NCKAP5: variants seen among roughly 807,000 people sequenced by gnomAD.
NCKAP5 encodes nck-associated protein 5.
In NCKAP5, 92 loss-of-function variants were observed where a neutral mutation model predicts 167.0. The ratio of observed to expected loss-of-function variants is 0.55; its 90% CI spans 0.47 to 0.66. The LOEUF is 0.66. Among genes scored for constraint, NCKAP5 ranks in the 30% least tolerant of loss-of-function variants. The pLI, the probability that NCKAP5 is intolerant of heterozygous loss-of-function variation, is 0.00. For synonymous variants in NCKAP5, 891 were observed against 877.4 expected (o/e 1.02, Z -0.27); for missense variants, 2,378 against 2,315.0 (o/e 1.03, Z -0.56).
At chr2:133,255,201 C>G (rs2088555386) in intron 4 of NCKAP5, among the ~76,000 whole-genome samples, 1 of 152,160 alleles carries the variant, frequency 6.6e-6, no homozygotes, top group Admixed American at 6.5e-5. Context: ...CTTGAGAGTT[C>G]TCCACTTCAT....
At chr2:132,975,566 T>C (rs961553294) in intron 7 of NCKAP5, among the ~76,000 whole-genome samples, 1 of 152,170 alleles carries the variant, frequency 6.6e-6, no homozygotes, top group African/African-American at 2.4e-5. Context: ...TACTGTGGAA[T>C]AGAATGGTGT....
intron 8 of NCKAP5, among the ~76,000 whole-genome samples, chr2:132,883,105 G>A (rs1450939041): frequency 2.0e-5 from 3 of 151,646 alleles, no homozygotes; most frequent in African/African-American, 4.8e-5. Flanking sequence ...AGGAGGTTGA[G>A]TTTGGAGGAT....
intron 3 of NCKAP5, among the ~76,000 whole-genome samples, chr2:133,489,707 G>A (rs966781779): frequency 6.6e-6 from 1 of 152,138 alleles, no homozygotes; most frequent in African/African-American, 2.4e-5. Flanking sequence ...ATACATGAGA[G>A]TTCTGTTTGT....
intron 6 of NCKAP5, among the ~76,000 whole-genome samples, chr2:133,075,438 A>T (rs181106165): frequency 1.1e-3 from 173 of 152,358 alleles, no homozygotes; most frequent in Middle Eastern, 6.8e-3. Flanking sequence ...ACGAGGTAAA[A>T]TCGAGATAAA....
chr2:132,954,693 A>T (rs2076289029), intron 8 of NCKAP5: 1 of 452,450 alleles, frequency 2.2e-6, no homozygotes, highest in Admixed American at 2.4e-5. Flanking sequence ...TCCTAATTTG[A>T]TTAGGTACAA....
At chr2:133,535,777 T>C (rs985080227) in intron 2 of NCKAP5, among the ~76,000 whole-genome samples, 13 of 152,172 alleles carry the variant, frequency 8.5e-5, no homozygotes, top group Non-Finnish European at 1.5e-4. Flanking sequence ...ATAGTTTCCT[T>C]TTCTCCACAT....
chr2:132,781,916 C>T (rs750297638), intron 14 of NCKAP5, 24 bp downstream of exon 14: 18 of 1,591,022 alleles, frequency 1.1e-5, no homozygotes, highest in Admixed American at 1.7e-5. Context: ...CTCTACATTG[C>T]TACCTGCTTT....
At chr2:133,424,530 G>A (rs1302923224) in intron 3 of NCKAP5, among the ~76,000 whole-genome samples, 2 of 152,208 alleles carry the variant, frequency 1.3e-5, no homozygotes, top group African/African-American at 4.8e-5. Context: ...AGTTTTCAAG[G>A]TGAGTAAAAA....
intron 5 of NCKAP5, among the ~76,000 whole-genome samples, chr2:133,132,472 A>G (rs1448661900): frequency 7.6e-6 from 1 of 131,168 alleles, no homozygotes; most frequent in Non-Finnish European, 1.6e-5. Context: ...TTAAAACATG[A>G]AAAAAAAAGC....
chr2:133,523,508 C>T lies in NCKAP5; in HGVS notation c.-61-5921G>A, dbSNP rs1216127934. On this transcript the variant is annotated intron_variant, in intron 2 of 19. Transcript: ENST00000409261. The stretch of plus-strand genomic sequence containing the variant: ...TGCTTAGGCATTAGAAGATTTGGTT[C>T]CTAGCTTTCTTTGCCATGTAAATTT... Among the ~76,000 whole-genome samples the T allele has an allele frequency of 3.3e-5, 5 of 152,224 alleles. No individual in the cohort carries two copies. The East Asian group carries it at 5.8e-4, about 18-fold the overall frequency.
chr2:132,920,775 A>ATG lies in NCKAP5; in HGVS notation c.580-41860_580-41859insCA, dbSNP rs1558943316. Among the ~76,000 whole-genome samples the ATG allele has an allele frequency of 1.3e-3, 8 of 6,240 alleles. 1 individual carries two copies. Among genetic ancestry groups the ATG allele is most frequent in the African/African-American group, 1.9e-3 (5 of 2,676 alleles). The allele number at this position is 6,240 out of a possible 152,430, so 4.1% of individuals were successfully genotyped here. On this transcript the variant is annotated intron_variant, in intron 8 of 19. Coordinates refer to ENST00000409261, the MANE Select transcript of NCKAP5 (RefSeq NM_207363.3). Reference sequence around the variant, plus strand: ...TATATATGTATATATATGTATGTATATATATATATATATATATATATATAT... The same window carrying ATG: ...TATATATGTATATATATGTATGTATATGTATATATATATATATATATATATAT...
intron 11 of NCKAP5, among the ~76,000 whole-genome samples, chr2:132,856,144 G>A (rs1008020326): frequency 6.6e-6 from 1 of 152,166 alleles, no homozygotes; most frequent in Non-Finnish European, 1.5e-5. Context: ...TATGGGGAAA[G>A]TTCACTGAGG....
At chr2:133,490,257 C>G (rs1011473700) in intron 3 of NCKAP5, among the ~76,000 whole-genome samples, 1 of 152,132 alleles carries the variant, frequency 6.6e-6, no homozygotes, top group African/African-American at 2.4e-5. Context: ...AGTCTGGTCC[C>G]CAGCCAGGCC....
intron 3 of NCKAP5, among the ~76,000 whole-genome samples, chr2:133,428,187 T>C (rs1243107626): frequency 6.6e-6 from 1 of 152,098 alleles, no homozygotes; most frequent in African/African-American, 2.4e-5. Flanking sequence ...CTACAAGATA[T>C]TAAAACACAC....
intron 6 of NCKAP5, among the ~76,000 whole-genome samples, chr2:133,034,111 A>T (rs998489201): frequency 1.3e-5 from 2 of 152,178 alleles, no homozygotes; most frequent in African/African-American, 4.8e-5. Context: ...AAAGGATCCT[A>T]AAAACAGCGA....
intron 11 of NCKAP5, among the ~76,000 whole-genome samples, chr2:132,837,823 T>A (rs1404791035): frequency 2.6e-5 from 4 of 152,160 alleles, no homozygotes; most frequent in Admixed American, 2.0e-4. Context: ...GACTTCCCAC[T>A]GGGGAGACCT....
intron 3 of NCKAP5, among the ~76,000 whole-genome samples, chr2:133,461,190 G>T (rs988964515): frequency 2.6e-5 from 4 of 152,068 alleles, no homozygotes; most frequent in African/African-American, 9.7e-5. Context: ...TTGGGAGGAA[G>T]GACCTCCAAA....
rs374197642 is a variant in NCKAP5, at chr2:133,132,516, C to CACACACACACACAA, written c.208-2406_208-2405insTTGTGTGTGTGTGT. 8.8e-3 allele frequency among the ~76,000 whole-genome samples: 1,293 copies of CACACACACACACAA among 146,398 alleles called. 19 individuals carry two copies. Among genetic ancestry groups the CACACACACACACAA allele is most frequent in the African/African-American group, 0.031 (1,202 of 38,744 alleles). On this transcript the variant is annotated intron_variant, in intron 5 of 19. Coordinates refer to ENST00000409261, the MANE Select transcript of NCKAP5 (RefSeq NM_207363.3). ...ACACACACACACACACACACACACACAAACCCTGATAACACAGAGAAAATT... is the reference window on the plus strand; with the variant it reads ...ACACACACACACACACACACACACACACACACACACACAAAAACCCTGATAACACAGAGAAAATT...
intron 6 of NCKAP5, among the ~76,000 whole-genome samples, chr2:132,997,031 C>A (rs546101950): frequency 6.6e-6 from 1 of 152,336 alleles, no homozygotes; most frequent in East Asian, 1.9e-4. Flanking sequence ...GAAAAGCAGG[C>A]TGATCCAGCT....
Sources: gnomAD v4.1 joint callset for allele counts (sites outside exome capture counted in the v4.1 genomes callset) on GRCh38, gnomAD v4.1.1 for gene constraint, MANE v1.5 for transcripts, NCBI Gene and HGNC (gene_info 2026-07-23, HGNC 2026-07-21) for gene names.